SLC35A3: variants seen among roughly 807,000 people sequenced by gnomAD.
SLC35A3 encodes solute carrier family 35 member A3.
In SLC35A3, 26 loss-of-function variants were observed where a neutral mutation model predicts 39.0. The observed-to-expected ratio is 0.67, with a 90% confidence interval of 0.49 to 0.92. The LOEUF is 0.92. SLC35A3 is among the 40% of genes least tolerant of loss of function. The pLI is 0.00. For missense variants in SLC35A3, 299 were observed against 371.6 expected, an observed-to-expected ratio of 0.80 and a Z score of 1.61; for synonymous variants, 135 against 133.1, an observed-to-expected ratio of 1.01 and a Z score of -0.10.
chr1:99,998,381 CTCCTGGCTTCAAG>C (rs1466051428), intron 2 of SLC35A3, among the ~76,000 whole-genome samples: 1 of 152,104 alleles, frequency 6.6e-6, no homozygotes, highest in African/African-American at 2.4e-5. Flanking sequence ...TGGTCTTCAA[CTCCTGGCTTCAAG>C]TAATCCTCTC....
At chr1:99,994,423 A>G (rs1325103501) in intron 2 of SLC35A3, among the ~76,000 whole-genome samples, 1 of 152,170 alleles carries the variant, frequency 6.6e-6, no homozygotes, top group Non-Finnish European at 1.5e-5. Context: ...TTAAACAACA[A>G]CTTTGTAACT....
intron 3 of SLC35A3, 147 bp from the exon 4 acceptor site, chr1:100,006,887 T>G: frequency 1.1e-6 from 1 of 881,134 alleles, no homozygotes; most frequent in Non-Finnish European, 1.6e-6. Flanking sequence ...GAGACTGGCA[T>G]TAACTGAAGC....
intron 2 of SLC35A3, among the ~76,000 whole-genome samples, chr1:99,995,559 GT>G (rs1465400880): frequency 1.3e-5 from 2 of 152,102 alleles, no homozygotes; most frequent in African/African-American, 4.8e-5. Context: ...TAATTGCTAG[GT>G]TTTTAGATTA....
In SLC35A3 at chr1:100,030,543, ATTCTTC is replaced by A. The variant is rs558364915; in HGVS notation, c.*8073_*8078del. 1 of 152,332 alleles carries A rather than the reference ATTCTTC, an allele frequency of 6.6e-6. No individual in the cohort carries two copies. Among genetic ancestry groups the A allele is most frequent in the African/African-American group, 2.4e-5 (1 of 41,576 alleles). 9.4% of individuals were successfully genotyped at this position (152,332 alleles called of 1,614,324 possible). ...TGTATTTTATATGTGGCCCAAGACAATTCTTCTTCTTTAAGGGTGACCCAGGGAAGC... is the reference window on the plus strand; with the variant it reads ...TGTATTTTATATGTGGCCCAAGACAATTCTTTAAGGGTGACCCAGGGAAGC... On this transcript the variant is annotated 3_prime_UTR_variant, in exon 8 of 8. Coordinates refer to ENST00000533028, the MANE Select transcript of SLC35A3 (RefSeq NM_012243.3).
intron 3 of SLC35A3, among the ~76,000 whole-genome samples, chr1:100,004,963 G>T (rs1481180301): frequency 6.6e-6 from 1 of 151,536 alleles, no homozygotes; most frequent in Non-Finnish European, 1.5e-5. Flanking sequence ...CATCATGTTG[G>T]CCAGGCTGGT....
chr1:100,012,490 TAAATAATTACCTATC>T (rs1659649294), intron 5 of SLC35A3, among the ~76,000 whole-genome samples: 1 of 152,082 alleles, frequency 6.6e-6, no homozygotes, highest in Non-Finnish European at 1.5e-5. Context: ...AAAGGATAAT[TAAATAATTACCTATC>T]ACAATTCAAA....
chr1:99,989,795 T>A (rs1657968338), intron 1 of SLC35A3, among the ~76,000 whole-genome samples: 1 of 152,146 alleles, frequency 6.6e-6, no homozygotes, highest in Non-Finnish European at 1.5e-5. Context: ...AGGCAGAGTC[T>A]TGCTCTGTCA....
At chr1:100,001,347 A>G (rs1024937900) in intron 3 of SLC35A3, among the ~76,000 whole-genome samples, 2 of 151,916 alleles carry the variant, frequency 1.3e-5, no homozygotes, top group African/African-American at 4.8e-5. Flanking sequence ...CAAGCATGGT[A>G]TATCTTCCCA....
rs1340838463 is a variant in SLC35A3, at chr1:100,027,755, C to A, written c.*5279C>A. On this transcript the variant is annotated 3_prime_UTR_variant, in exon 8 of 8. Transcript: ENST00000533028. ...CACAAAATACTTTGTAAAAAAATCACTAAAGTGCCAGCATTTTTAAAGTGT... is the reference window on the plus strand; with the variant it reads ...CACAAAATACTTTGTAAAAAAATCAATAAAGTGCCAGCATTTTTAAAGTGT... 2 of 152,074 alleles carry A rather than the reference C, an allele frequency of 1.3e-5. No homozygotes were observed. The highest frequency in any genetic ancestry group is 2.9e-5 in the Non-Finnish European group (2 of 68,014). The allele number at this position is 152,074 out of a possible 1,614,324, so 9.4% of individuals were successfully genotyped here.
chr1:100,011,836 A>G (rs1053119539), intron 5 of SLC35A3, among the ~76,000 whole-genome samples: 4 of 151,436 alleles, frequency 2.6e-5, no homozygotes, highest in Non-Finnish European at 5.9e-5. Context: ...CTCCAGTCTC[A>G]GCCTCCTGAG....
In SLC35A3 at chr1:99,970,713, T is replaced by A. The variant is rs114502977; in HGVS notation, c.-19+551T>A. ...ATTCTCATCAGAACAGGTGTGTGGG[T>A]GCATTGCTTTATAGTAAAAGACGAT... On this transcript the variant is annotated intron_variant, in intron 1 of 7. Coordinates refer to ENST00000533028, the MANE Select transcript of SLC35A3 (RefSeq NM_012243.3). 12,976 of 1,032,910 alleles carry A rather than the reference T, an allele frequency of 0.013. 126 individuals are homozygous for A. Among genetic ancestry groups the A allele is most frequent in the Non-Finnish European group, 0.016 (11,475 of 700,710 alleles). The allele number at this position is 1,032,910 out of a possible 1,614,324, so 64.0% of individuals were successfully genotyped here. A position where few individuals can be genotyped will look rare whatever the true frequency, so the allele number is the denominator to read the frequency against.
chr1:100,029,648 C>CAGGAGT lies in SLC35A3; in HGVS notation c.*7172_*7173insAGGAGT, dbSNP rs1661118566. On this transcript the variant is annotated 3_prime_UTR_variant, in exon 8 of 8. Coordinates refer to ENST00000533028, the MANE Select transcript of SLC35A3 (RefSeq NM_012243.3). ...TTTTCACCATGTTGGCCAGGCTGGT[C>CAGGAGT]TCGAACTCCTGACCTCAGGTGATCT... 1.3e-5 allele frequency: 2 copies of CAGGAGT among 152,148 alleles called. No homozygotes were observed. Among genetic ancestry groups the CAGGAGT allele is most frequent in the Admixed American group, 6.5e-5 (1 of 15,276 alleles). 9.4% of individuals were successfully genotyped at this position (152,148 alleles called of 1,614,324 possible). A position where few individuals can be genotyped will look rare whatever the true frequency, so the allele number is the denominator to read the frequency against.
chr1:99,974,804 A>G (rs992721026), intron 1 of SLC35A3, among the ~76,000 whole-genome samples: 2 of 152,218 alleles, frequency 1.3e-5, no homozygotes, highest in Non-Finnish European at 2.9e-5. Context: ...GATCTAAATG[A>G]GATAATACCT....
Position 100,033,750 on chromosome 1 carries a change from ATTTC to A in SLC35A3, c.*11278_*11281del, listed in dbSNP as rs1441584372. ...ATCTGTTCATATTTTCTGTAGTCTT[ATTTC>A]TTTTTGATTAGAACATATAATATTT... On this transcript the variant is annotated 3_prime_UTR_variant, in exon 8 of 8. Coordinates refer to ENST00000533028, the MANE Select transcript of SLC35A3 (RefSeq NM_012243.3). The A allele has an allele frequency of 2.6e-5, 4 of 152,192 alleles. No individual in the cohort carries two copies. The highest frequency in any genetic ancestry group is 2.0e-4 in the Admixed American group (3 of 15,276). 9.4% of individuals were successfully genotyped at this position (152,192 alleles called of 1,614,324 possible).
intron 7 of SLC35A3, among the ~76,000 whole-genome samples, chr1:100,019,390 T>A (rs1342696766): frequency 6.8e-6 from 1 of 147,360 alleles, no homozygotes; most frequent in East Asian, 1.9e-4. Flanking sequence ...ATTGAATGAA[T>A]GAATGAATGA....
intron 3 of SLC35A3, among the ~76,000 whole-genome samples, chr1:100,002,383 A>G (rs1658870735): frequency 6.6e-6 from 1 of 152,090 alleles, no homozygotes; most frequent in African/African-American, 2.4e-5. Flanking sequence ...TCAATTTGCT[A>G]GTATATAGTT....
At position 100,022,464 on chromosome 1, in the gene SLC35A3, C is replaced by T. The variant is rs1406942729; in HGVS notation, c.966C>T (p.Pro322=). 1.3e-6 allele frequency: 2 copies of T among 1,582,706 alleles called. No homozygotes were observed. Among genetic ancestry groups the T allele is most frequent in the East Asian group, 2.2e-5 (1 of 44,578 alleles). Residue 322 remains proline (P), a synonymous_variant, in exon 8 of 8, where the codon CCC becomes CCT. Transcript: ENST00000533028. ...ATGATCCCAAACCTGCAGGAAATCCCACTAAAGCATAGTTGTATACTATCT... is the reference window on the plus strand; with the variant it reads ...ATGATCCCAAACCTGCAGGAAATCCTACTAAAGCATAGTTGTATACTATCT... The part of the protein sequence containing the change: ...YGYDPKPAGN[P]TKA
rs1047860782 is a variant in SLC35A3, at chr1:100,031,957, G to C, written c.*9481G>C. 6.6e-6 allele frequency: 1 copy of C among 152,126 alleles called. No homozygotes were observed. The highest frequency in any genetic ancestry group is 1.5e-5 in the Non-Finnish European group (1 of 68,026). The allele number at this position is 152,126 out of a possible 1,614,324, so 9.4% of individuals were successfully genotyped here. ...AAAGTTACTTTGCTCCTATTATGTG[G>C]TTTGATTTGTTCCCTTTATTCCTTT... is the stretch of plus-strand genomic sequence containing the variant. On this transcript the variant is annotated 3_prime_UTR_variant, in exon 8 of 8. Coordinates refer to ENST00000533028, the MANE Select transcript of SLC35A3 (RefSeq NM_012243.3).
intron 3 of SLC35A3, among the ~76,000 whole-genome samples, chr1:100,000,090 A>G (rs780845437): frequency 3.9e-5 from 6 of 152,156 alleles, no homozygotes; most frequent in Non-Finnish European, 7.4e-5. Context: ...CTTTGGATAA[A>G]TACCCAGTAG....
Sources: allele counts gnomAD v4.1 joint callset (sites outside exome capture counted in the v4.1 genomes callset), GRCh38; gene constraint gnomAD v4.1.1; transcripts MANE v1.5; gene names NCBI Gene and HGNC (gene_info 2026-07-23, HGNC 2026-07-21).